The following PDE4D variants were observed in gnomAD, a reference collection of about 807,000 sequenced individuals.
PDE4D encodes the protein phosphodiesterase 4D.
In PDE4D, 24 loss-of-function variants were observed where a neutral mutation model predicts 87.4. The ratio of observed to expected loss-of-function variants is 0.27; its 90% CI spans 0.20 to 0.39. The LOEUF (loss-of-function observed/expected upper bound fraction) is 0.39. Among genes scored for constraint, PDE4D ranks in the 10% least tolerant of loss-of-function variants. PDE4D has a pLI of 1.00. For missense variants in PDE4D, 714 were observed against 1,041.0 expected, an observed-to-expected ratio of 0.69 and a Z score of 4.32; for synonymous variants, 384 against 383.2, an observed-to-expected ratio of 1.00 and a Z score of -0.02.
At chr5:60,311,187 T>C (rs1032198051) in intron 1 of PDE4D, among the ~76,000 whole-genome samples, 5 of 147,498 alleles carry the variant, frequency 3.4e-5, no homozygotes, top group African/African-American at 5.4e-5. Flanking sequence ...TGGCTAATTT[T>C]GTATTTTTGT....
intron 1 of PDE4D, among the ~76,000 whole-genome samples, chr5:59,542,402 T>C (rs1490313590): frequency 1.3e-5 from 2 of 152,164 alleles, no homozygotes; most frequent in Non-Finnish European, 2.9e-5. Context: ...TACTGAAACA[T>C]ATTTTCAGAG....
At chr5:59,331,167 T>C (rs778062412) in intron 1 of PDE4D, among the ~76,000 whole-genome samples, 15 of 152,236 alleles carry the variant, frequency 9.9e-5, no homozygotes, top group Non-Finnish European at 1.0e-4. Context: ...TTTCTTAAAA[T>C]ACAAATAATA....
intron 1 of PDE4D, among the ~76,000 whole-genome samples, chr5:59,623,560 T>C (rs1288808150): frequency 1.3e-5 from 2 of 152,128 alleles, no homozygotes; most frequent in African/African-American, 4.8e-5. Context: ...AATAAATCTA[T>C]TATCTTCCTA....
At chr5:59,047,134 T>C (rs1405734603) in intron 5 of PDE4D, among the ~76,000 whole-genome samples, 4 of 152,220 alleles carry the variant, frequency 2.6e-5, no homozygotes, top group African/African-American at 9.6e-5. Flanking sequence ...GTATCTTCAC[T>C]TTCTCCTGGA....
chr5:59,039,147 C>T, intron 5 of PDE4D, 176 bp from the exon 6 acceptor site: 1 of 1,356,278 alleles, frequency 7.4e-7, no homozygotes, highest in Non-Finnish European at 9.5e-7. Flanking sequence ...GGAGGCTGTG[C>T]TCGCGGGGCG....
chr5:59,403,941 T>C (rs1212744883), intron 1 of PDE4D, among the ~76,000 whole-genome samples: 1 of 152,228 alleles, frequency 6.6e-6, no homozygotes, highest in African/African-American at 2.4e-5. Context: ...GTGTTCTCTT[T>C]TCTCTACATC....
intron 1 of PDE4D, among the ~76,000 whole-genome samples, chr5:60,285,869 A>G (rs925354600): frequency 1.3e-5 from 2 of 152,236 alleles, no homozygotes; most frequent in African/African-American, 2.4e-5. Context: ...AGCAGATCAC[A>G]TGAGTGGGTT....
intron 6 of PDE4D, among the ~76,000 whole-genome samples, chr5:59,008,081 A>G (rs1751992101): frequency 6.6e-6 from 1 of 152,198 alleles, no homozygotes; most frequent in Admixed American, 6.5e-5. Context: ...TATTTAGTCA[A>G]TTTACCTAAA....
At chr5:59,985,769 C>T (rs969111605) in intron 3 of PDE4D, among the ~76,000 whole-genome samples, 1 of 152,142 alleles carries the variant, frequency 6.6e-6, no homozygotes, top group Non-Finnish European at 1.5e-5. Flanking sequence ...ACCACATGTA[C>T]CAAAATTCAT....
At chr5:60,150,245 G>A (rs1041510502) in intron 2 of PDE4D, among the ~76,000 whole-genome samples, 1 of 151,782 alleles carries the variant, frequency 6.6e-6, no homozygotes, top group Non-Finnish European at 1.5e-5. Context: ...AGAGATCATG[G>A]ACTGAGTTGG....
chr5:59,166,852 T>C (rs992792092), intron 5 of PDE4D, among the ~76,000 whole-genome samples: 4 of 152,232 alleles, frequency 2.6e-5, no homozygotes, highest in South Asian at 2.1e-4. Flanking sequence ...ATATGGTCTG[T>C]AAATGGTCTC....
rs146459966 is a variant in PDE4D at position 59,450,864 on chromosome 5, C to G, written c.456-234896G>C. 6.6e-4 allele frequency among the ~76,000 whole-genome samples: 100 copies of G among 152,268 alleles called. No homozygotes were observed. The Middle Eastern group carries it at 0.01, about 16-fold the overall frequency. ...ACATTCTCTGATACGCAGCTTCATC[C>G]ATTTTTCCCTTACTCTTTTCCTCCT... On this transcript the variant is annotated intron_variant, in intron 1 of 14. Coordinates refer to ENST00000340635, the MANE Select transcript of PDE4D (RefSeq NM_001104631.2).
chr5:59,453,529 A>G (rs894708108), intron 1 of PDE4D, among the ~76,000 whole-genome samples: 17 of 152,236 alleles, frequency 1.1e-4, no homozygotes, highest in African/African-American at 4.1e-4. Flanking sequence ...AAATGATAAG[A>G]AATTGAAACA....
chr5:59,973,464 G>A (rs1442918746), intron 3 of PDE4D, among the ~76,000 whole-genome samples: 1 of 151,642 alleles, frequency 6.6e-6, no homozygotes, highest in Non-Finnish European at 1.5e-5. Context: ...TCATTTTAAT[G>A]ACTATATCAT....
At chr5:59,247,276 C>T (rs942157622) in intron 1 of PDE4D, among the ~76,000 whole-genome samples, 1 of 152,134 alleles carries the variant, frequency 6.6e-6, no homozygotes, top group Non-Finnish European at 1.5e-5. Context: ...AGTGAATGCT[C>T]TTACATTGAA....
chr5:59,465,393 C>G (rs564025364), intron 1 of PDE4D, among the ~76,000 whole-genome samples: 1 of 152,262 alleles, frequency 6.6e-6, no homozygotes, highest in East Asian at 1.9e-4. Flanking sequence ...CATATGTGCA[C>G]ACATGCATAC....
chr5:59,325,852 A>ATT (rs71946065), intron 1 of PDE4D, among the ~76,000 whole-genome samples: 5 of 150,444 alleles, frequency 3.3e-5, no homozygotes, highest in East Asian at 3.9e-4. Flanking sequence ...TCTACTCTAG[A>ATT]TTTTTTTTTT....
At chr5:59,422,963 CA>C (rs1794690531) in intron 1 of PDE4D, among the ~76,000 whole-genome samples, 1 of 152,078 alleles carries the variant, frequency 6.6e-6, no homozygotes, top group Non-Finnish European at 1.5e-5. Context: ...ATAAATAAGA[CA>C]CAAAGAATAT....
intron 1 of PDE4D, among the ~76,000 whole-genome samples, chr5:59,363,422 T>C (rs1056309620): frequency 2.0e-5 from 3 of 152,204 alleles, no homozygotes; most frequent in Non-Finnish European, 1.5e-5. Context: ...AGGTTAAAAT[T>C]GAGGTCCCTC....
Sources: gnomAD v4.1 joint callset for allele counts (sites outside exome capture counted in the v4.1 genomes callset) on GRCh38, gnomAD v4.1.1 for gene constraint, MANE v1.5 for transcripts, NCBI Gene and HGNC (gene_info 2026-07-23, HGNC 2026-07-21) for gene names.